Variants in CADPS2 observed in about 807,000 individuals in gnomAD.
CADPS2 encodes calcium dependent secretion activator 2, also known as calcium-dependent secretion activator 2.
A neutral mutation model predicts 172.5 loss-of-function variants in CADPS2; 93 were observed. The ratio of observed to expected loss-of-function variants is 0.54; its 90% CI spans 0.46 to 0.64. The LOEUF (loss-of-function observed/expected upper bound fraction) is 0.64. CADPS2 is among the 30% of genes least tolerant of loss of function. The pLI is 0.00. For missense variants in CADPS2, 1,420 were observed against 1,565.9 expected (o/e 0.91, Z 1.57); for synonymous variants, 546 against 555.2 (o/e 0.98, Z 0.23).
chr7:122,467,377 TAC>T, intron 14 of CADPS2, among the ~76,000 whole-genome samples: 1 of 152,184 alleles, frequency 6.6e-6, no homozygotes, highest in Non-Finnish European at 1.5e-5. Flanking sequence ...TCTCTAAAAT[TAC>T]AGATTGGAAG....
intron 2 of CADPS2, among the ~76,000 whole-genome samples, chr7:122,678,331 C>T (rs1225258961): frequency 6.6e-6 from 1 of 152,132 alleles, no homozygotes; most frequent in Non-Finnish European, 1.5e-5. Context: ...CTGTATTCAT[C>T]CAATGGATTC....
chr7:122,576,047 C>T (rs1422375875), intron 7 of CADPS2, among the ~76,000 whole-genome samples: 1 of 152,106 alleles, frequency 6.6e-6, no homozygotes, highest in Non-Finnish European at 1.5e-5. Context: ...CTTTCTGTTC[C>T]AAGGTCCAAT....
At chr7:122,451,992 GAATA>G (rs2053182120) in intron 14 of CADPS2, among the ~76,000 whole-genome samples, 1 of 152,094 alleles carries the variant, frequency 6.6e-6, no homozygotes, top group Non-Finnish European at 1.5e-5. Context: ...CAGGGCATAT[GAATA>G]AATATTAGAA....
At chr7:122,857,285 G>A (rs1167817645) in intron 1 of CADPS2, among the ~76,000 whole-genome samples, 1 of 151,920 alleles carries the variant, frequency 6.6e-6, no homozygotes, top group Non-Finnish European at 1.5e-5. Context: ...TTATGTTTCT[G>A]TACTTTCCAA....
intron 6 of CADPS2, among the ~76,000 whole-genome samples, chr7:122,607,684 C>T (rs1026089751): frequency 2.0e-5 from 3 of 152,066 alleles, no homozygotes; most frequent in African/African-American, 7.2e-5. Context: ...TTTTAAAGAT[C>T]CCCAGATTGC....
At chr7:122,576,265 C>A (rs2068021366) in intron 7 of CADPS2, among the ~76,000 whole-genome samples, 1 of 152,152 alleles carries the variant, frequency 6.6e-6, no homozygotes, top group African/African-American at 2.4e-5. Flanking sequence ...CTTCTCAAAT[C>A]ATAATAGAGA....
chr7:122,461,517 T>A (rs556803083), intron 14 of CADPS2, among the ~76,000 whole-genome samples: 1 of 152,282 alleles, frequency 6.6e-6, no homozygotes, highest in East Asian at 1.9e-4. Flanking sequence ...AATCTTTTTT[T>A]AAAAAAAGCA....
chr7:122,353,958 C>G (rs1025908576), intron 27 of CADPS2, among the ~76,000 whole-genome samples: 1 of 152,000 alleles, frequency 6.6e-6, no homozygotes, highest in African/African-American at 2.4e-5. Flanking sequence ...TACCTTATCT[C>G]TTAGATTTTT....
intron 8 of CADPS2, among the ~76,000 whole-genome samples, chr7:122,526,365 G>A (rs536403846): frequency 4.6e-5 from 7 of 151,792 alleles, no homozygotes; most frequent in East Asian, 3.9e-4. Flanking sequence ...CTAATTTTTC[G>A]TATTTTTAGT....
chr7:122,638,768 C>T (rs1346760461), intron 3 of CADPS2, among the ~76,000 whole-genome samples: 2 of 152,214 alleles, frequency 1.3e-5, no homozygotes, highest in Admixed American at 6.5e-5. Flanking sequence ...TGAGGAGCTT[C>T]TCCTGTCTTC....
rs751378478 is a variant in CADPS2 at position 122,554,738 on chromosome 7, A to G, written c.1336-49T>C. 25 of 1,451,004 alleles carry G rather than the reference A, an allele frequency of 1.7e-5. No homozygotes were observed. The East Asian group carries it at 5.2e-4, about 30-fold the overall frequency. 89.9% of individuals were successfully genotyped at this position (1,451,004 alleles called of 1,614,324 possible). On this transcript the variant is annotated intron_variant, in intron 7 of 29. Transcript: ENST00000449022. ...TTTAAACGCATGATACGGAGTGTCT[A>G]TGGGTTGGAACTAAAATATTTTCTA...
intron 12 of CADPS2, 33 bp from the exon 13 acceptor site, chr7:122,474,550 T>C: frequency 3.8e-6 from 6 of 1,598,028 alleles, no homozygotes; most frequent in Non-Finnish European, 5.1e-6. Context: ...ACAGTATATT[T>C]ACTTTTCAGG....
chr7:122,542,366 G>A (rs568473259), intron 8 of CADPS2, among the ~76,000 whole-genome samples: 67 of 152,028 alleles, frequency 4.4e-4, no homozygotes, highest in African/African-American at 8.7e-4. Flanking sequence ...TAACACTCTC[G>A]TTCTCTCAGA....
At chr7:122,736,250 G>T (rs986666141) in intron 2 of CADPS2, among the ~76,000 whole-genome samples, 1 of 152,084 alleles carries the variant, frequency 6.6e-6, no homozygotes, top group African/African-American at 2.4e-5. Context: ...ATTTTCCCTT[G>T]TTTATTAGTC....
intron 28 of CADPS2, among the ~76,000 whole-genome samples, chr7:122,344,158 G>A (rs1427515180): frequency 6.6e-6 from 1 of 152,178 alleles, no homozygotes; most frequent in Non-Finnish European, 1.5e-5. Context: ...AACTGCCACA[G>A]CTGAAGTGTC....
At chr7:122,563,167 C>A (rs1235537341) in intron 7 of CADPS2, among the ~76,000 whole-genome samples, 2 of 152,082 alleles carry the variant, frequency 1.3e-5, no homozygotes, top group Non-Finnish European at 2.9e-5. Flanking sequence ...GAGCAATATA[C>A]TCCAACACAG....
In CADPS2 at chr7:122,541,771, TCA is replaced by T. The variant is rs1491142428; in HGVS notation, c.1475+12777_1475+12778del. On this transcript the variant is annotated intron_variant, in intron 8 of 29. Transcript: ENST00000449022. ...TACATATATTCATATATTTATATAT[TCA>T]CATATATTCATATATTTATATATTC... is the stretch of plus-strand genomic sequence containing the variant. Among the ~76,000 whole-genome samples, 15 of 144,504 alleles carry T rather than the reference TCA, an allele frequency of 1.0e-4. No individual in the cohort carries two copies. The East Asian group carries it at 1.6e-3, about 15-fold the overall frequency. 94.8% of individuals were successfully genotyped at this position (144,504 alleles called of 152,430 possible). A position where few individuals can be genotyped will look rare whatever the true frequency, so the allele number is the denominator to read the frequency against.
chr7:122,575,206 A>C (rs2067855254), intron 7 of CADPS2, among the ~76,000 whole-genome samples: 1 of 151,838 alleles, frequency 6.6e-6, no homozygotes, highest in African/African-American at 2.4e-5. Flanking sequence ...GGAGCATCTA[A>C]AATAAAGGAG....
chr7:122,716,720 G>C (rs1415870676), intron 2 of CADPS2, among the ~76,000 whole-genome samples: 2 of 152,070 alleles, frequency 1.3e-5, no homozygotes, highest in Non-Finnish European at 2.9e-5. Context: ...AGGCATGCCT[G>C]GTTTCTCCTT....
Sources: allele counts gnomAD v4.1 joint callset (sites outside exome capture counted in the v4.1 genomes callset), GRCh38; gene constraint gnomAD v4.1.1; transcripts MANE v1.5; gene names NCBI Gene and HGNC (gene_info 2026-07-23, HGNC 2026-07-21).